Variants in PCCA observed in about 807,000 individuals in gnomAD.
The protein encoded by PCCA is propionyl-CoA carboxylase alpha chain, mitochondrial.
Under a neutral mutation model 101.3 loss-of-function variants are expected in PCCA, and 74 were observed. The observed-to-expected ratio is 0.73, with a 90% confidence interval of 0.61 to 0.89. The LOEUF (loss-of-function observed/expected upper bound fraction) is 0.89, where lower values mean the gene tolerates loss of function less well. Ranked by LOEUF, PCCA falls within the 40% of genes least tolerant of loss-of-function variation. The pLI, the probability that PCCA is intolerant of heterozygous loss-of-function variation, is 0.00. For synonymous variants in PCCA, 294 were observed against 313.6 expected, an observed-to-expected ratio of 0.94 and a Z score of 0.66; for missense variants, 891 against 907.0, an observed-to-expected ratio of 0.98 and a Z score of 0.23.
intron 6 of PCCA, among the ~76,000 whole-genome samples, chr13:100,195,814 A>G (rs1366843481): frequency 2.6e-5 from 4 of 152,198 alleles, no homozygotes; most frequent in African/African-American, 7.2e-5. Flanking sequence ...GAAGAGAAAA[A>G]GGTTAACAGC....
intron 16 of PCCA, among the ~76,000 whole-genome samples, chr13:100,328,086 C>T (rs1040584034): frequency 3.9e-5 from 6 of 152,108 alleles, no homozygotes; most frequent in Non-Finnish European, 5.9e-5. Flanking sequence ...GCTGGGTGGC[C>T]GGGTGCAGTG....
At chr13:100,265,311 A>G (rs1566825564) in intron 10 of PCCA, among the ~76,000 whole-genome samples, 1 of 152,174 alleles carries the variant, frequency 6.6e-6, no homozygotes, top group Non-Finnish European at 1.5e-5. Context: ...GATGTGAGGC[A>G]GGGTCAGAGT....
At chr13:100,326,438 T>C (rs1300774308) in intron 16 of PCCA, among the ~76,000 whole-genome samples, 1 of 152,246 alleles carries the variant, frequency 6.6e-6, no homozygotes, top group Admixed American at 6.5e-5. Context: ...AAGACTGCTA[T>C]TGACTTATTT....
rs1332065611 is a variant in PCCA at position 100,178,696 on chromosome 13, T to C, written c.468+21356T>C. On this transcript the variant is annotated intron_variant, in intron 6 of 23. Transcript: ENST00000376285. Reference sequence around the variant, plus strand: ...GATACAGAATTACTGTTTTCTGTAATATTTTTCTTTCTTTGATCCTGTTTT... The same window carrying C: ...GATACAGAATTACTGTTTTCTGTAACATTTTTCTTTCTTTGATCCTGTTTT... Among the ~76,000 whole-genome samples, 4 of 152,156 alleles carry C rather than the reference T, an allele frequency of 2.6e-5. No homozygotes were observed. In the South Asian group the frequency reaches 8.3e-4, roughly 31 times the overall value.
At position 100,309,883 on chromosome 13, in the gene PCCA, T is replaced by G. The variant is rs769970677; in HGVS notation, c.1404T>G (p.Asp468Glu). Residue 468 changes from aspartate (D) to glutamate (E), a missense_variant, in exon 16 of 24, where the codon GAT (aspartate) becomes GAG (glutamate). Asp to Glu is a conservative substitution (Grantham distance 45, BLOSUM62 2). Transcript: ENST00000376285. ...DRTEALKRMA[D>E]ALDNYVIRGV... ...CTGAGGCACTGAAGAGAATGGCAGA[T>G]GCACTGGATAACTATGTTATTCGAG... 45 of 1,612,820 alleles carry G rather than the reference T, an allele frequency of 2.8e-5. No individual in the cohort carries two copies. The South Asian group carries it at 4.5e-4, about 16-fold the overall frequency.
intron 19 of PCCA, among the ~76,000 whole-genome samples, chr13:100,379,212 T>A (rs919563653): frequency 3.3e-5 from 5 of 152,114 alleles, no homozygotes; most frequent in Non-Finnish European, 5.9e-5. Flanking sequence ...ACAGTATCGG[T>A]GGTATCTGTG....
intron 12 of PCCA, among the ~76,000 whole-genome samples, chr13:100,275,807 A>G (rs1219229229): frequency 6.6e-6 from 1 of 152,124 alleles, no homozygotes; most frequent in Non-Finnish European, 1.5e-5. Context: ...TTTATCAAAA[A>G]CTGATAACAG....
At chr13:100,319,122 A>G (rs1326784853) in intron 16 of PCCA, among the ~76,000 whole-genome samples, 1 of 152,240 alleles carries the variant, frequency 6.6e-6, no homozygotes, top group Admixed American at 6.5e-5. Context: ...TGTTGGCTGC[A>G]TAAATGTCTT....
At chr13:100,091,422 T>A (rs753152720) in intron 1 of PCCA, among the ~76,000 whole-genome samples, 1 of 152,238 alleles carries the variant, frequency 6.6e-6, no homozygotes, top group Non-Finnish European at 1.5e-5. Flanking sequence ...GTGCTGAATG[T>A]GTAACAATAG....
At chr13:100,107,477 C>T (rs528814001) in intron 2 of PCCA, among the ~76,000 whole-genome samples, 24 of 151,794 alleles carry the variant, frequency 1.6e-4, no homozygotes, top group African/African-American at 4.8e-4. Context: ...TCCTTGAGAC[C>T]GAGAGTTCCA....
intron 18 of PCCA, among the ~76,000 whole-genome samples, chr13:100,357,962 TC>T (rs1031221194): frequency 6.6e-6 from 1 of 152,152 alleles, no homozygotes; most frequent in African/African-American, 2.4e-5. Flanking sequence ...TCCCAGAAGA[TC>T]CCAGAACTGC....
At chr13:100,100,485 G>A in intron 1 of PCCA, among the ~76,000 whole-genome samples, 1 of 152,220 alleles carries the variant, frequency 6.6e-6, no homozygotes, top group Non-Finnish European at 1.5e-5. Flanking sequence ...CGTGTAGCCA[G>A]TTTGTTACAT....
At chr13:100,365,321 TA>T (rs946999501) in intron 18 of PCCA, among the ~76,000 whole-genome samples, 8 of 152,152 alleles carry the variant, frequency 5.3e-5, no homozygotes, top group Non-Finnish European at 1.0e-4. Context: ...TGAATCAAAA[TA>T]AAACAATGGA....
intron 16 of PCCA, among the ~76,000 whole-genome samples, chr13:100,321,679 A>C (rs2068062477): frequency 6.6e-6 from 1 of 151,210 alleles, no homozygotes; most frequent in Non-Finnish European, 1.5e-5. Flanking sequence ...TATAGTGAAG[A>C]ATATGATCGA....
At chr13:100,242,046 G>A (rs1010231449) in intron 8 of PCCA, among the ~76,000 whole-genome samples, 1 of 152,032 alleles carries the variant, frequency 6.6e-6, no homozygotes, top group African/African-American at 2.4e-5. Flanking sequence ...GCCAACCCTT[G>A]TTATTTTCTT....
At chr13:100,496,481 T>C (rs2085287140) in intron 21 of PCCA, among the ~76,000 whole-genome samples, 1 of 152,106 alleles carries the variant, frequency 6.6e-6, no homozygotes, top group Admixed American at 6.5e-5. Context: ...TGTTACTCAT[T>C]TTTGGCAGGA....
At chr13:100,170,278 A>G (rs1045614848) in intron 6 of PCCA, among the ~76,000 whole-genome samples, 3 of 152,170 alleles carry the variant, frequency 2.0e-5, no homozygotes, top group Admixed American at 6.5e-5. Flanking sequence ...TGTTCTAGTG[A>G]AGGAAGTACA....
intron 4 of PCCA, among the ~76,000 whole-genome samples, chr13:100,139,806 A>G (rs2085802992): frequency 6.6e-6 from 1 of 152,106 alleles, no homozygotes; most frequent in African/African-American, 2.4e-5. Context: ...TGATGTTATG[A>G]GACATAATCC....
At chr13:100,280,922 A>G (rs560884857) in intron 12 of PCCA, among the ~76,000 whole-genome samples, 2 of 152,238 alleles carry the variant, frequency 1.3e-5, no homozygotes, top group South Asian at 4.1e-4. Context: ...ACCTCACTGC[A>G]ATGAGACATG....
Sources: allele counts gnomAD v4.1 joint callset (sites outside exome capture counted in the v4.1 genomes callset), GRCh38; gene constraint gnomAD v4.1.1; transcripts MANE v1.5; gene names NCBI Gene and HGNC (gene_info 2026-07-23, HGNC 2026-07-21).